The following ACYP2 variants were observed in gnomAD, a reference collection of about 807,000 sequenced individuals.
ACYP2 encodes the protein acylphosphatase 2, also known as acylphosphatase-2.
ACYP2 carries 12 observed loss-of-function variants against 11.2 expected under a neutral mutation model. That is an observed-to-expected ratio of 1.08 (90% CI 0.69 to 1.74). ACYP2 has a LOEUF of 1.74. Ranked by LOEUF, ACYP2 falls within the 40% of genes most tolerant of loss-of-function variation. ACYP2 has a pLI of 0.00. For missense variants in ACYP2, 134 were observed against 101.9 expected (o/e 1.31, Z -1.35); for synonymous variants, 43 against 32.2 (o/e 1.33, Z -1.13).
At chr2:54,253,648 TC>T (rs977978972) in intron 6 of ACYP2, 3 of 152,272 alleles carry the variant, frequency 2.0e-5, no homozygotes, top group African/African-American at 7.2e-5. Flanking sequence ...GGCCCGATTT[TC>T]CCCTGAATCA....
intron 6 of ACYP2, among the ~76,000 whole-genome samples, chr2:54,285,586 AG>A (rs1689047101): frequency 6.6e-6 from 1 of 152,198 alleles, no homozygotes. Context: ...TAAGACTGCT[AG>A]CTGTCCTCCA....
intron 6 of ACYP2, among the ~76,000 whole-genome samples, chr2:54,297,147 G>T (rs1227397656): frequency 6.6e-6 from 1 of 151,468 alleles, no homozygotes; most frequent in Non-Finnish European, 1.5e-5. Flanking sequence ...CACACTTACT[G>T]TAGAAATTTT....
chr2:54,148,925 A>G (rs919469817), intron 6 of ACYP2, among the ~76,000 whole-genome samples: 1 of 152,222 alleles, frequency 6.6e-6, no homozygotes, highest in African/African-American at 2.4e-5. Context: ...GTGCAAGAGT[A>G]ATGGCAAAAA....
chr2:54,278,555 T>A (rs1233282407), intron 6 of ACYP2, among the ~76,000 whole-genome samples: 1 of 152,224 alleles, frequency 6.6e-6, no homozygotes, highest in East Asian at 1.9e-4. Context: ...ATTCAGAGTC[T>A]GTGGGGAAAA....
At chr2:54,249,414 G>A (rs2104003037) in intron 6 of ACYP2, among the ~76,000 whole-genome samples, 1 of 144,208 alleles carries the variant, frequency 6.9e-6, no homozygotes, top group Middle Eastern at 3.7e-3. Context: ...CAGCCTGGGT[G>A]ACAGAGTGAG....
At chr2:54,024,112 G>C (rs145578120) in intron 2 of ACYP2, among the ~76,000 whole-genome samples, 2 of 152,154 alleles carry the variant, frequency 1.3e-5, no homozygotes, top group African/African-American at 4.8e-5. Flanking sequence ...GGTGGCTCAT[G>C]CCTGTAATCC....
chr2:54,109,541 T>C (rs1031875292), intron 4 of ACYP2, among the ~76,000 whole-genome samples: 42 of 152,220 alleles, frequency 2.8e-4, no homozygotes, highest in African/African-American at 9.1e-4. Context: ...ACATCACATG[T>C]TCCCCCAAAC....
chr2:54,303,083 T>C (rs969390011), intron 6 of ACYP2, among the ~76,000 whole-genome samples: 9 of 152,190 alleles, frequency 5.9e-5, no homozygotes, highest in Admixed American at 2.0e-4. Flanking sequence ...TGGCCAGTCA[T>C]GGTGGCTCAC....
chr2:54,022,814 G>A (rs1674075807), intron 2 of ACYP2, among the ~76,000 whole-genome samples: 1 of 152,160 alleles, frequency 6.6e-6, no homozygotes, highest in South Asian at 2.1e-4. Flanking sequence ...CTCTGAAGAT[G>A]GAGAGACGCC....
At chr2:54,154,689 G>A (rs1682353600) in intron 6 of ACYP2, among the ~76,000 whole-genome samples, 2 of 152,050 alleles carry the variant, frequency 1.3e-5, no homozygotes. Flanking sequence ...ATTTTGTTGA[G>A]GATTTTTGCA....
intron 6 of ACYP2, among the ~76,000 whole-genome samples, chr2:54,200,102 G>A (rs1410077791): frequency 6.6e-6 from 1 of 152,160 alleles, no homozygotes; most frequent in Non-Finnish European, 1.5e-5. Context: ...CACATGAAAA[G>A]GAAAGTGTGT....
At chr2:54,295,839 C>G (rs1239147650) in intron 6 of ACYP2, among the ~76,000 whole-genome samples, 1 of 151,930 alleles carries the variant, frequency 6.6e-6, no homozygotes, top group Admixed American at 6.6e-5. Context: ...CGGCTCACTG[C>G]AACCTCCGCC....
chr2:54,138,971 A>C (rs189652244), intron 6 of ACYP2, among the ~76,000 whole-genome samples: 102 of 152,296 alleles, frequency 6.7e-4, no homozygotes, highest in African/African-American at 2.3e-3. Context: ...GGCTACTTTA[A>C]TGTTTCATTG....
chr2:54,083,807 C>G (rs1228038599), intron 4 of ACYP2, among the ~76,000 whole-genome samples: 3 of 152,080 alleles, frequency 2.0e-5, no homozygotes, highest in African/African-American at 7.2e-5. Flanking sequence ...TAAAACTGGC[C>G]AAATCCCATA....
At chr2:53,978,048 G>C (rs1671579889) in intron 2 of ACYP2, among the ~76,000 whole-genome samples, 1 of 151,866 alleles carries the variant, frequency 6.6e-6, no homozygotes, top group African/African-American at 2.4e-5. Flanking sequence ...GATCACTTGA[G>C]GTCAGGAGTT....
At chr2:54,064,092 C>T (rs2103636408) in intron 4 of ACYP2, among the ~76,000 whole-genome samples, 1 of 152,300 alleles carries the variant, frequency 6.6e-6, no homozygotes. Context: ...AGTGGTCCTC[C>T]TGCCTTGGCC....
At chr2:54,125,112 A>G (rs1680402160) in intron 4 of ACYP2, among the ~76,000 whole-genome samples, 1 of 149,998 alleles carries the variant, frequency 6.7e-6, no homozygotes, top group Admixed American at 6.7e-5. Flanking sequence ...ATGCACATGG[A>G]TTTAAAAAAA....
At chr2:54,091,502 T>C (rs1678229465) in intron 4 of ACYP2, among the ~76,000 whole-genome samples, 1 of 149,872 alleles carries the variant, frequency 6.7e-6, no homozygotes, top group African/African-American at 2.5e-5. Flanking sequence ...TATTTATTTA[T>C]TTATTTATTT....
At chr2:54,231,562 C>G (rs1485102065) in intron 6 of ACYP2, among the ~76,000 whole-genome samples, 1 of 152,176 alleles carries the variant, frequency 6.6e-6, no homozygotes, top group Non-Finnish European at 1.5e-5. Context: ...GAGACCTCTG[C>G]TAGGTTGTTT....
Sources: gnomAD v4.1 joint callset for allele counts (sites outside exome capture counted in the v4.1 genomes callset) on GRCh38, gnomAD v4.1.1 for gene constraint, MANE v1.5 for transcripts, NCBI Gene and HGNC (gene_info 2026-07-23, HGNC 2026-07-21) for gene names.